STX2: variants seen among roughly 807,000 people sequenced by gnomAD.
The protein encoded by STX2 is syntaxin 2.
STX2 carries 27 observed loss-of-function variants against 40.6 expected under a neutral mutation model. The ratio of observed to expected loss-of-function variants is 0.66; its 90% CI spans 0.49 to 0.92. STX2 has a LOEUF of 0.92. Among genes scored for constraint, STX2 ranks in the 40% least tolerant of loss-of-function variants. The pLI, the probability that STX2 is intolerant of heterozygous loss-of-function variation, is 0.00. For missense variants in STX2, 328 were observed against 366.1 expected (o/e 0.90, Z 0.85); for synonymous variants, 123 against 119.1 (o/e 1.03, Z -0.22).
intron 6 of STX2, among the ~76,000 whole-genome samples, chr12:130,806,025 C>T (rs890607898): frequency 1.3e-5 from 2 of 152,162 alleles, no homozygotes; most frequent in African/African-American, 4.8e-5. Context: ...GCAACAGAAA[C>T]CAGTGTCTCC....
chr12:130,792,690 T>C (rs1950913862), intron 10 of STX2, among the ~76,000 whole-genome samples: 2 of 152,202 alleles, frequency 1.3e-5, no homozygotes, highest in South Asian at 2.1e-4. Context: ...AGTCTCGAAT[T>C]CTTGGGCTCA....
At chr12:130,827,933 C>T (rs1458303269) in intron 1 of STX2, among the ~76,000 whole-genome samples, 11 of 152,128 alleles carry the variant, frequency 7.2e-5, no homozygotes, top group Admixed American at 2.6e-4. Flanking sequence ...GCTGCAGTGA[C>T]CCTGTCTCTA....
chr12:130,792,631 T>C (rs1361395918), intron 10 of STX2, among the ~76,000 whole-genome samples: 1 of 152,114 alleles, frequency 6.6e-6, no homozygotes, highest in Non-Finnish European at 1.5e-5. Flanking sequence ...GCCCAGCTAA[T>C]TAAAAAATAT....
At chr12:130,804,816 T>C (rs1482732284) in intron 6 of STX2, among the ~76,000 whole-genome samples, 1 of 152,172 alleles carries the variant, frequency 6.6e-6, no homozygotes, top group Non-Finnish European at 1.5e-5. Flanking sequence ...CTTCATTGCT[T>C]ATAAGACACT....
rs541205066 is a variant in STX2 at position 130,834,514 on chromosome 12, C to A, written c.30+4556G>T. 6.6e-5 allele frequency among the ~76,000 whole-genome samples: 10 copies of A among 152,304 alleles called. No homozygotes were observed. In the South Asian group the frequency reaches 2.1e-3, roughly 32 times the overall value. On this transcript the variant is annotated intron_variant, in intron 1 of 10. Transcript: ENST00000392373. ...ATCCTGCCACCACAAGGCGATAGAT[C>A]TGGGCTCCTAGGGAGCTCTTCTATG... is the stretch of plus-strand genomic sequence containing the variant.
At position 130,790,703 on chromosome 12, in the gene STX2, C is replaced by T. The variant is rs1366809398; in HGVS notation, c.*1320G>A. 1 of 152,186 alleles carries T rather than the reference C, an allele frequency of 6.6e-6. No homozygotes were observed. The highest frequency in any genetic ancestry group is 1.5e-5 in the Non-Finnish European group (1 of 68,028). 9.4% of individuals were successfully genotyped at this position (152,186 alleles called of 1,614,324 possible). The stretch of plus-strand genomic sequence containing the variant: ...TCTCAGGAATAATTTCCTCGAGTCC[C>T]GAGAGTACTGAACCTCAGTTTCATC... On this transcript the variant is annotated 3_prime_UTR_variant, in exon 11 of 11. Coordinates refer to ENST00000392373, the MANE Select transcript of STX2 (RefSeq NM_194356.4).
intron 1 of STX2, among the ~76,000 whole-genome samples, chr12:130,836,582 G>T (rs536053505): frequency 6.6e-6 from 1 of 152,126 alleles, no homozygotes; most frequent in Non-Finnish European, 1.5e-5. Context: ...CCAGAAGGCT[G>T]CTTTTTATAA....
At chr12:130,808,055 T>C (rs1308988047) in intron 5 of STX2, among the ~76,000 whole-genome samples, 1 of 152,060 alleles carries the variant, frequency 6.6e-6, no homozygotes, top group African/African-American at 2.4e-5. Context: ...CAATGTACAT[T>C]AGCCGCTTAC....
chr12:130,806,362 A>G (rs1315743616), intron 6 of STX2, among the ~76,000 whole-genome samples: 1 of 152,206 alleles, frequency 6.6e-6, no homozygotes, highest in Non-Finnish European at 1.5e-5. Flanking sequence ...CCTGAGGCTC[A>G]TGAGCAGCTG....
intron 1 of STX2, among the ~76,000 whole-genome samples, chr12:130,837,320 G>T (rs1952783862): frequency 6.6e-6 from 1 of 152,050 alleles, no homozygotes; most frequent in Non-Finnish European, 1.5e-5. Flanking sequence ...CTGAAACAGA[G>T]TCTCTTTCTG....
chr12:130,827,294 T>G (rs1284176902), intron 1 of STX2, 27 bp from the exon 2 acceptor site: 3 of 1,582,064 alleles, frequency 1.9e-6, no homozygotes, highest in Admixed American at 3.3e-5. Flanking sequence ...AAAATTCAGT[T>G]TTTTAAAATT....
chr12:130,805,604 G>A (rs34103763), intron 6 of STX2, among the ~76,000 whole-genome samples: 52,810 of 152,080 alleles, frequency 0.35, 9,515 homozygotes, highest in Middle Eastern at 0.41. Flanking sequence ...TGAGGTTCAC[G>A]GCCATCAGAG....
At chr12:130,801,948 G>A (rs561816048) in intron 6 of STX2, among the ~76,000 whole-genome samples, 121 of 152,238 alleles carry the variant, frequency 7.9e-4, no homozygotes, top group Non-Finnish European at 1.5e-3. Context: ...TAATGACTTC[G>A]AAGAAACATG....
intron 3 of STX2, among the ~76,000 whole-genome samples, chr12:130,819,241 C>A (rs901930358): frequency 2.0e-5 from 3 of 152,312 alleles, no homozygotes; most frequent in African/African-American, 7.2e-5. Context: ...CCCTGCTCAC[C>A]GGGACCTAAG....
intron 2 of STX2, 47 bp from the exon 3 acceptor site, chr12:130,821,835 G>T: frequency 8.0e-7 from 1 of 1,255,090 alleles, no homozygotes; most frequent in South Asian, 1.3e-5. Flanking sequence ...TCAAATCTGT[G>T]ACCACTTTTC....
intron 1 of STX2, among the ~76,000 whole-genome samples, chr12:130,838,529 A>C (rs1461437488): frequency 1.3e-5 from 2 of 152,138 alleles, no homozygotes; most frequent in Non-Finnish European, 1.5e-5. Context: ...CAGCACTCTA[A>C]GGTGCCCACA....
Position 130,791,019 on chromosome 12 carries a change from T to C in STX2, c.*1004A>G, listed in dbSNP as rs1950862828. On this transcript the variant is annotated 3_prime_UTR_variant, in exon 11 of 11. Coordinates refer to ENST00000392373, the MANE Select transcript of STX2 (RefSeq NM_194356.4). ...AACACCATGAAGCTTCCTATTTCAC[T>C]CAAAAGGCCACATTCAGTATATAAA... 1 of 152,366 alleles carries C rather than the reference T, an allele frequency of 6.6e-6. No homozygotes were observed. 9.4% of individuals were successfully genotyped at this position (152,366 alleles called of 1,614,324 possible).
intron 2 of STX2, among the ~76,000 whole-genome samples, chr12:130,822,551 T>A (rs911846572): frequency 1.3e-5 from 2 of 152,214 alleles, no homozygotes; most frequent in East Asian, 1.9e-4. Flanking sequence ...AAATGTAACA[T>A]ATCATTAGCA....
At chr12:130,828,636 G>T (rs1952425628) in intron 1 of STX2, among the ~76,000 whole-genome samples, 1 of 151,616 alleles carries the variant, frequency 6.6e-6, no homozygotes, top group South Asian at 2.1e-4. Flanking sequence ...GGAGGCCGAG[G>T]CGGGTGGATC....
Sources: gnomAD v4.1 joint callset for allele counts (sites outside exome capture counted in the v4.1 genomes callset) on GRCh38, gnomAD v4.1.1 for gene constraint, MANE v1.5 for transcripts, NCBI Gene and HGNC (gene_info 2026-07-23, HGNC 2026-07-21) for gene names.